ZCCHC7: variants seen among roughly 807,000 people sequenced by gnomAD.
The protein encoded by ZCCHC7 is zinc finger CCHC domain-containing protein 7.
ZCCHC7 carries 35 observed loss-of-function variants against 52.0 expected under a neutral mutation model. The observed-to-expected ratio is 0.67, with a 90% CI of 0.51 to 0.89. ZCCHC7 has a LOEUF of 0.89. ZCCHC7 is among the 40% of genes least tolerant of loss of function. ZCCHC7 has a pLI of 0.00. For synonymous variants in ZCCHC7, 217 were observed against 221.5 expected, an observed-to-expected ratio of 0.98 and a Z score of 0.18; for missense variants, 574 against 649.1, an observed-to-expected ratio of 0.88 and a Z score of 1.26.
At chr9:37,302,689 A>C (rs1337652971) in intron 3 of ZCCHC7, among the ~76,000 whole-genome samples, 1 of 152,246 alleles carries the variant, frequency 6.6e-6, no homozygotes, top group African/African-American at 2.4e-5. Context: ...TGGCCAGTTC[A>C]GCAAAATAAC....
intron 2 of ZCCHC7, among the ~76,000 whole-genome samples, chr9:37,162,830 T>C (rs1821181063): frequency 6.6e-6 from 1 of 152,132 alleles, no homozygotes; most frequent in Non-Finnish European, 1.5e-5. Context: ...CTCAACACTT[T>C]GGGAGGCTGA....
chr9:37,296,519 T>A (rs944678536), intron 2 of ZCCHC7, among the ~76,000 whole-genome samples: 3 of 151,966 alleles, frequency 2.0e-5, no homozygotes, highest in African/African-American at 7.3e-5. Flanking sequence ...AGTACAGGAA[T>A]AGATATTGAG....
At chr9:37,205,279 T>G in intron 2 of ZCCHC7, 1 of 253,532 alleles carries the variant, frequency 3.9e-6, no homozygotes, top group Non-Finnish European at 7.8e-6. Context: ...ACAGTACCTA[T>G]TCCCTTGATG....
intron 2 of ZCCHC7, among the ~76,000 whole-genome samples, chr9:37,211,963 C>T (rs982132925): frequency 1.5e-4 from 19 of 127,684 alleles, no homozygotes; most frequent in African/African-American, 5.5e-4. Context: ...GGAGGCGGAG[C>T]TTGCAGTGAG....
Position 37,349,404 on chromosome 9 carries a change from A to G in ZCCHC7, c.1035A>G (p.Ser345=), listed in dbSNP as rs753069701. 5 of 1,614,140 alleles carry G rather than the reference A, an allele frequency of 3.1e-6. No individual in the cohort carries two copies. In the South Asian group the frequency reaches 4.4e-5, roughly 14 times the overall value. The stretch of plus-strand genomic sequence containing the variant: ...AGCCGAAGACCCCTTCAAGACCATC[A>G]GCCTTAGCATATTGCTATCACTGCG... The part of the protein sequence containing the change: ...PKKPKTPSRP[S]ALAYCYHCAQ... Residue 345 remains serine (S), a synonymous_variant, in exon 7 of 9, where the codon TCA becomes TCG. Transcript: ENST00000336755.
chr9:37,303,915 G>A (rs559878076), intron 3 of ZCCHC7, among the ~76,000 whole-genome samples: 10 of 151,604 alleles, frequency 6.6e-5, no homozygotes, highest in South Asian at 4.2e-4. Flanking sequence ...CGCCCACCTC[G>A]GCCTCCGAAA....
chr9:37,308,743 G>T (rs1829452262), intron 5 of ZCCHC7, among the ~76,000 whole-genome samples: 1 of 152,078 alleles, frequency 6.6e-6, no homozygotes, highest in African/African-American at 2.4e-5. Context: ...CACTTTGGGA[G>T]GCCGAGGCAG....
At chr9:37,348,343 G>GTTCATTCTTTCT (rs768829753) in intron 6 of ZCCHC7, among the ~76,000 whole-genome samples, 43 of 100,160 alleles carry the variant, frequency 4.3e-4, no homozygotes, top group African/African-American at 1.3e-3. Flanking sequence ...AGTGATACCA[G>GTTCATTCTTTCT]TTCGTTCTTT....
chr9:37,182,055 T>A (rs1822384711), intron 2 of ZCCHC7, among the ~76,000 whole-genome samples: 1 of 152,126 alleles, frequency 6.6e-6, no homozygotes, highest in African/African-American at 2.4e-5. Context: ...ATATAAATTG[T>A]TGGTTTATAG....
intron 2 of ZCCHC7, among the ~76,000 whole-genome samples, chr9:37,264,230 G>T (rs1325663930): frequency 6.6e-6 from 1 of 152,022 alleles, no homozygotes; most frequent in Non-Finnish European, 1.5e-5. Context: ...ACATTAATAA[G>T]AATATTAAAA....
At chr9:37,272,514 A>G (rs1827473786) in intron 2 of ZCCHC7, among the ~76,000 whole-genome samples, 1 of 144,076 alleles carries the variant, frequency 6.9e-6, no homozygotes, top group Non-Finnish European at 1.5e-5. Flanking sequence ...AAAAAAAAAA[A>G]GAAAGAAAGG....
chr9:37,130,235 C>CAA (rs33929421), intron 2 of ZCCHC7, among the ~76,000 whole-genome samples: 6 of 104,282 alleles, frequency 5.8e-5, no homozygotes, highest in South Asian at 3.2e-4. Flanking sequence ...GAGACTGTCT[C>CAA]AAAAAAAAAA....
intron 2 of ZCCHC7, among the ~76,000 whole-genome samples, chr9:37,254,816 A>T (rs73646342): frequency 7.5e-6 from 1 of 133,314 alleles, no homozygotes; most frequent in Non-Finnish European, 1.6e-5. Flanking sequence ...TTTGAGTGCC[A>T]TGTTAATGCT....
intron 2 of ZCCHC7, among the ~76,000 whole-genome samples, chr9:37,141,258 T>C (rs1843213394): frequency 6.6e-6 from 1 of 151,878 alleles, no homozygotes; most frequent in Non-Finnish European, 1.5e-5. Flanking sequence ...CCACTTTTTC[T>C]TTTTTGTTAT....
At chr9:37,176,294 C>G (rs185408601) in intron 2 of ZCCHC7, among the ~76,000 whole-genome samples, 3 of 152,172 alleles carry the variant, frequency 2.0e-5, no homozygotes, top group Admixed American at 2.0e-4. Flanking sequence ...AGGATGGTCT[C>G]GATCTCCTGA....
intron 1 of ZCCHC7, among the ~76,000 whole-genome samples, chr9:37,121,879 C>G (rs1842330184): frequency 6.6e-6 from 1 of 152,126 alleles, no homozygotes; most frequent in African/African-American, 2.4e-5. Flanking sequence ...TTGGATTCTC[C>G]ATCCCAATCA....
chr9:37,134,526 A>C (rs562641656), intron 2 of ZCCHC7, among the ~76,000 whole-genome samples: 2 of 152,266 alleles, frequency 1.3e-5, no homozygotes, highest in South Asian at 2.1e-4. Context: ...TAATCATGTA[A>C]AATGTGTATA....
At chr9:37,222,328 AGTGTGT>A (rs74182938) in intron 2 of ZCCHC7, among the ~76,000 whole-genome samples, 17,514 of 132,986 alleles carry the variant, frequency 0.13, 1,062 homozygotes, top group South Asian at 0.16. Flanking sequence ...AGAATAACAG[AGTGTGT>A]GTGTGTGTGT....
At chr9:37,153,556 C>T (rs903957989) in intron 2 of ZCCHC7, among the ~76,000 whole-genome samples, 8 of 151,798 alleles carry the variant, frequency 5.3e-5, no homozygotes, top group African/African-American at 1.9e-4. Context: ...TCAAGTGATT[C>T]TCCTGCCTCG....
Sources: gnomAD v4.1 joint callset for allele counts (sites outside exome capture counted in the v4.1 genomes callset) on GRCh38, gnomAD v4.1.1 for gene constraint, MANE v1.5 for transcripts, NCBI Gene and HGNC (gene_info 2026-07-23, HGNC 2026-07-21) for gene names.